DOCK10: variants seen among roughly 807,000 people sequenced by gnomAD.
DOCK10 encodes dedicator of cytokinesis 10.
A neutral mutation model predicts 280.1 loss-of-function variants in DOCK10; 145 were observed. The ratio of observed to expected loss-of-function variants is 0.52; its 90% CI spans 0.45 to 0.59. The LOEUF is 0.59. Among genes scored for constraint, DOCK10 ranks in the 20% least tolerant of loss-of-function variants. DOCK10 has a pLI of 0.00. For missense variants in DOCK10, 2,368 were observed against 2,651.7 expected, an observed-to-expected ratio of 0.89 and a Z score of 2.35; for synonymous variants, 915 against 942.2, an observed-to-expected ratio of 0.97 and a Z score of 0.53.
At chr2:225,029,196 G>C (rs184538799) in intron 1 of DOCK10, among the ~76,000 whole-genome samples, 9 of 152,182 alleles carry the variant, frequency 5.9e-5, no homozygotes, top group African/African-American at 1.7e-4. Flanking sequence ...TTTTGAGATG[G>C]AATCTTGCCC....
chr2:224,983,522 T>C, intron 1 of DOCK10: 2 of 219,714 alleles, frequency 9.1e-6, no homozygotes, highest in South Asian at 1.4e-4. Context: ...AAAAAATGTT[T>C]TCTGTGGTTT....
intron 1 of DOCK10, among the ~76,000 whole-genome samples, chr2:224,972,165 G>A (rs544238476): frequency 6.6e-6 from 1 of 152,308 alleles, no homozygotes; most frequent in East Asian, 1.9e-4. Flanking sequence ...TTGTAGCAAA[G>A]TGACTATCAG....
intron 11 of DOCK10, among the ~76,000 whole-genome samples, chr2:224,868,540 A>G (rs1450173779): frequency 6.6e-6 from 1 of 152,176 alleles, no homozygotes; most frequent in African/African-American, 2.4e-5. Flanking sequence ...TTATTACTAC[A>G]CAGACTCACT....
intron 26 of DOCK10, among the ~76,000 whole-genome samples, chr2:224,831,788 C>T (rs1695256266): frequency 6.6e-6 from 1 of 152,144 alleles, no homozygotes; most frequent in African/African-American, 2.4e-5. Context: ...TCTAGGGTTG[C>T]ACTCAGGCAT....
chr2:224,981,655 T>G (rs569448983), intron 1 of DOCK10, among the ~76,000 whole-genome samples: 1 of 152,350 alleles, frequency 6.6e-6, no homozygotes, highest in Admixed American at 6.5e-5. Context: ...GAAAAAGCTT[T>G]CTAATGAAAA....
chr2:225,011,642 T>C (rs1401908352), intron 1 of DOCK10, among the ~76,000 whole-genome samples: 2 of 152,212 alleles, frequency 1.3e-5, no homozygotes, highest in Non-Finnish European at 2.9e-5. Flanking sequence ...CTCTGAACTT[T>C]AGCAAAGAAA....
intron 7 of DOCK10, among the ~76,000 whole-genome samples, chr2:224,881,700 T>G (rs530549532): frequency 6.6e-6 from 1 of 152,182 alleles, no homozygotes; most frequent in African/African-American, 2.4e-5. Context: ...AATAATATAT[T>G]AGATGAAGAA....
intron 30 of DOCK10, among the ~76,000 whole-genome samples, chr2:224,815,219 A>G (rs1369481299): frequency 6.6e-6 from 1 of 152,156 alleles, no homozygotes; most frequent in Non-Finnish European, 1.5e-5. Context: ...CGCCATGTGA[A>G]GAAGGTCCTT....
At chr2:224,961,438 C>CT (rs1359861612) in intron 1 of DOCK10, among the ~76,000 whole-genome samples, 3 of 128,314 alleles carry the variant, frequency 2.3e-5, no homozygotes, top group South Asian at 2.7e-4. Context: ...TTCTTTCTTT[C>CT]TTTCTTTCTT....
At chr2:225,040,387 G>A (rs575007468) in intron 1 of DOCK10, among the ~76,000 whole-genome samples, 37 of 152,238 alleles carry the variant, frequency 2.4e-4, no homozygotes, top group African/African-American at 7.0e-4. Flanking sequence ...GCGAAGCAAG[G>A]GGAGTCAGGA....
At chr2:224,952,304 T>C (rs560172551) in intron 1 of DOCK10, among the ~76,000 whole-genome samples, 76 of 152,260 alleles carry the variant, frequency 5.0e-4, no homozygotes, top group African/African-American at 1.6e-3. Flanking sequence ...AAGGTGTAGA[T>C]GAGAAAGACA....
intron 1 of DOCK10, among the ~76,000 whole-genome samples, chr2:224,950,135 C>T (rs1322621330): frequency 6.6e-6 from 1 of 152,190 alleles, no homozygotes; most frequent in Non-Finnish European, 1.5e-5. Flanking sequence ...CATTCGGTAG[C>T]TACATGCAGG....
rs138179556 is a variant in DOCK10, at chr2:224,900,973, G to T, written c.334-4596C>A. Among the ~76,000 whole-genome samples the T allele has an allele frequency of 5.2e-3, 751 of 145,284 alleles. 6 individuals carry two copies. The highest frequency in any genetic ancestry group is 0.019 in the African/African-American group (644 of 34,700). Reference sequence around the variant, plus strand: ...GGCTTTATATATCTGGTGGTGGGTAGATGAGAATCACAGTTAGACTAGATG... The same window carrying T: ...GGCTTTATATATCTGGTGGTGGGTATATGAGAATCACAGTTAGACTAGATG... On this transcript the variant is annotated intron_variant, in intron 3 of 55. Coordinates refer to ENST00000258390, the MANE Select transcript of DOCK10 (RefSeq NM_014689.3).
chr2:224,799,094 C>A (rs1474004664), intron 41 of DOCK10, among the ~76,000 whole-genome samples: 1 of 152,204 alleles, frequency 6.6e-6, no homozygotes, highest in Non-Finnish European at 1.5e-5. Flanking sequence ...ATGAAACCAT[C>A]ACCACAATCA....
chr2:224,932,037 T>C (rs1702415740), intron 1 of DOCK10, among the ~76,000 whole-genome samples: 1 of 152,188 alleles, frequency 6.6e-6, no homozygotes, highest in Non-Finnish European at 1.5e-5. Context: ...ATGATTATCA[T>C]CATTTCTTCT....
chr2:225,009,638 C>CG (rs559047500), intron 1 of DOCK10, among the ~76,000 whole-genome samples: 1 of 135,562 alleles, frequency 7.4e-6, no homozygotes, highest in Non-Finnish European at 1.6e-5. Context: ...AGCCCTAAGG[C>CG]AAAAAAAAAA....
At chr2:224,938,273 G>A (rs1466968263) in intron 1 of DOCK10, among the ~76,000 whole-genome samples, 1 of 152,100 alleles carries the variant, frequency 6.6e-6, no homozygotes, top group Non-Finnish European at 1.5e-5. Flanking sequence ...CCATATATCT[G>A]AACCTTTATT....
intron 55 of DOCK10, among the ~76,000 whole-genome samples, chr2:224,767,520 G>GT (rs1160551174): frequency 6.6e-6 from 1 of 152,120 alleles, no homozygotes; most frequent in East Asian, 1.9e-4. Flanking sequence ...CAACTTCTAT[G>GT]TTTTTTTAAA....
Position 224,830,556 on chromosome 2 carries a change from G to C in DOCK10, c.3021C>G (p.Asp1007Glu). 1 of 1,508,948 alleles carries C rather than the reference G, an allele frequency of 6.6e-7. No homozygotes were observed. Among genetic ancestry groups the C allele is most frequent in the South Asian group, 1.4e-5 (1 of 69,652 alleles). 93.5% of individuals were successfully genotyped at this position (1,508,948 alleles called of 1,614,324 possible). A position where few individuals can be genotyped will look rare whatever the true frequency, so the allele number is the denominator to read the frequency against. Residue 1007 changes from aspartate (D) to glutamate (E), a missense_variant, in exon 27 of 56, where the codon GAC becomes GAG. This residue lies in a region of DOCK10 where 1,209 missense variants were observed against 1,250.9 expected (regional missense o/e 0.97). Transcript: ENST00000258390. ...ATGTTCTTACCTGGATTTTATTTGT[G>C]TCAATCAAGTGCTGTGCCATCGATT... ...ILKSMAQHLI[D>E]TNKIQLPRPQ...
Sources: gnomAD v4.1 joint callset for allele counts (sites outside exome capture counted in the v4.1 genomes callset) on GRCh38, gnomAD v4.1.1 for gene constraint, gnomAD v4.1.1 regional missense constraint, MANE v1.5 for transcripts, NCBI Gene and HGNC (gene_info 2026-07-23, HGNC 2026-07-21) for gene names.